EPB41L3: variants seen among roughly 807,000 people sequenced by gnomAD.
The protein encoded by EPB41L3 is band 4.1-like protein 3.
EPB41L3 carries 57 observed loss-of-function variants against 127.1 expected under a neutral mutation model. That is an observed-to-expected ratio of 0.45 (90% CI 0.36 to 0.56). EPB41L3 has a LOEUF of 0.56. Among genes scored for constraint, EPB41L3 ranks in the 20% least tolerant of loss-of-function variants. The pLI is 0.00. For synonymous variants in EPB41L3, 572 were observed against 549.5 expected (o/e 1.04, Z -0.57); for missense variants, 1,273 against 1,372.2 (o/e 0.93, Z 1.14).
intron 3 of EPB41L3, among the ~76,000 whole-genome samples, chr18:5,588,130 C>G (rs922727709): frequency 6.6e-6 from 1 of 152,078 alleles, no homozygotes; most frequent in Non-Finnish European, 1.5e-5. Flanking sequence ...CTAACACTGG[C>G]AGAAGTTGCA....
At chr18:5,441,842 G>C (rs2080833052) in intron 5 of EPB41L3, among the ~76,000 whole-genome samples, 1 of 152,176 alleles carries the variant, frequency 6.6e-6, no homozygotes, top group Admixed American at 6.5e-5. Context: ...TTATGGCAAA[G>C]TCATATACAC....
At chr18:5,520,287 G>C (rs979970819) in intron 1 of EPB41L3, among the ~76,000 whole-genome samples, 1 of 152,144 alleles carries the variant, frequency 6.6e-6, no homozygotes, top group African/African-American at 2.4e-5. Context: ...GAAGGGACCA[G>C]AGCTAGGGTA....
chr18:5,545,769 T>G (rs2093868420), upstream of EPB41L3, among the ~76,000 whole-genome samples: 1 of 152,078 alleles, frequency 6.6e-6, no homozygotes, highest in African/African-American at 2.4e-5. Flanking sequence ...AGGTGACAGT[T>G]CCAATAGTGG....
intron 3 of EPB41L3, among the ~76,000 whole-genome samples, chr18:5,579,355 G>A (rs937434102): frequency 6.6e-6 from 1 of 152,176 alleles, no homozygotes; most frequent in African/African-American, 2.4e-5. Flanking sequence ...CCTAGCTGTT[G>A]TTTTGGCAGG....
intron 1 of EPB41L3, among the ~76,000 whole-genome samples, chr18:5,512,978 T>C (rs879532043): frequency 6.6e-6 from 1 of 152,130 alleles, no homozygotes; most frequent in Non-Finnish European, 1.5e-5. Context: ...TTAGAATCCA[T>C]AGAATATAGC....
At chr18:5,453,441 A>G (rs1185425923) in intron 3 of EPB41L3, among the ~76,000 whole-genome samples, 1 of 152,204 alleles carries the variant, frequency 6.6e-6, no homozygotes, top group Non-Finnish European at 1.5e-5. Flanking sequence ...AAGGCTCTTC[A>G]GGATGCATGC....
At chr18:5,450,891 C>A (rs930762291) in intron 3 of EPB41L3, among the ~76,000 whole-genome samples, 3 of 152,184 alleles carry the variant, frequency 2.0e-5, no homozygotes, top group African/African-American at 7.2e-5. Context: ...TCCTGAATCG[C>A]CCCTGAAGTG....
chr18:5,433,827 C>G lies in EPB41L3; in HGVS notation c.824+76G>C, dbSNP rs796996091. Reference sequence around the variant, plus strand: ...CGCCGTTAATGGACTGAAATCAGTACTGGGAAGAGGTGGGTTGTGTGCGGG... The same window carrying G: ...CGCCGTTAATGGACTGAAATCAGTAGTGGGAAGAGGTGGGTTGTGTGCGGG... On this transcript the variant is annotated intron_variant, in intron 7 of 22. Transcript: ENST00000341928. 2.7e-6 allele frequency: 4 copies of G among 1,486,562 alleles called. No individual in the cohort carries two copies. In the African/African-American group the frequency reaches 5.5e-5, roughly 21 times the overall value. The allele number at this position is 1,486,562 out of a possible 1,614,324, so 92.1% of individuals were successfully genotyped here.
chr18:5,481,027 G>A (rs1239140688), intron 2 of EPB41L3: 3 of 152,066 alleles, frequency 2.0e-5, no homozygotes, highest in African/African-American at 7.2e-5. Context: ...AAAAAGAAAA[G>A]GTAAAAGAAA....
Position 5,435,487 on chromosome 18 carries a change from C to T in EPB41L3, c.606-1366G>A, listed in dbSNP as rs1443737484. On this transcript the variant is annotated intron_variant, in intron 6 of 22. Coordinates refer to ENST00000341928, the MANE Select transcript of EPB41L3 (RefSeq NM_012307.5). ...CTATGTTTAGATACACAAATACTTA[C>T]CATTGTGTTATAATTTCCCACAGTA... is the stretch of plus-strand genomic sequence containing the variant. 2.6e-5 allele frequency among the ~76,000 whole-genome samples: 4 copies of T among 152,164 alleles called. No individual in the cohort carries two copies. The East Asian group carries it at 7.7e-4, about 29-fold the overall frequency.
chr18:5,404,397 A>G (rs1324559302), intron 16 of EPB41L3, among the ~76,000 whole-genome samples: 1 of 152,166 alleles, frequency 6.6e-6, no homozygotes, highest in Non-Finnish European at 1.5e-5. Context: ...GCTCTTCTCC[A>G]GTTTAAATAA....
At chr18:5,406,465 G>C (rs542074347) in intron 16 of EPB41L3, among the ~76,000 whole-genome samples, 1 of 152,226 alleles carries the variant, frequency 6.6e-6, no homozygotes, top group African/African-American at 2.4e-5. Flanking sequence ...AAGTGTCAAT[G>C]CATGAAGAGA....
chr18:5,465,664 ACTCT>A lies in EPB41L3; in HGVS notation c.381+12573_381+12576del, dbSNP rs375360693. ...CCTGGCACCTGCAGACATAACATTC[ACTCT>A]CTCTATCACTCACAACAACCCTGTG... On this transcript the variant is annotated intron_variant, in intron 3 of 22. Coordinates refer to ENST00000341928, the MANE Select transcript of EPB41L3 (RefSeq NM_012307.5). Among the ~76,000 whole-genome samples the A allele has an allele frequency of 4.6e-4, 70 of 152,108 alleles. No homozygotes were observed. In the East Asian group the frequency reaches 0.013, roughly 29 times the overall value.
At chr18:5,436,609 C>T (rs201940838) in intron 6 of EPB41L3, among the ~76,000 whole-genome samples, 2 of 151,834 alleles carry the variant, frequency 1.3e-5, no homozygotes, top group Admixed American at 6.6e-5. Context: ...AGGGTTTCAC[C>T]GTGTTAGCCA....
At chr18:5,434,355 C>T (rs746947992) in intron 6 of EPB41L3, among the ~76,000 whole-genome samples, 21 of 152,152 alleles carry the variant, frequency 1.4e-4, no homozygotes, top group Non-Finnish European at 1.6e-4. Flanking sequence ...AGCAAGTCGA[C>T]GTTCATAATA....
At chr18:5,394,394 C>T (rs1003669141) in intron 22 of EPB41L3, 1 of 299,162 alleles carries the variant, frequency 3.3e-6, no homozygotes, top group Non-Finnish European at 6.3e-6. Flanking sequence ...AGAGTGCAGG[C>T]CATGGAATAA....
Position 5,497,058 on chromosome 18 carries a change from C to T in EPB41L3, c.-11-7864G>A, listed in dbSNP as rs753863975. On this transcript the variant is annotated intron_variant, in intron 1 of 22. Coordinates refer to ENST00000341928, the MANE Select transcript of EPB41L3 (RefSeq NM_012307.5). ...GTGTTGAAATATCAAGAAGAATCTGCCATATGCAGATACGCACAGTGGCGA... is the reference window on the plus strand; with the variant it reads ...GTGTTGAAATATCAAGAAGAATCTGTCATATGCAGATACGCACAGTGGCGA... Among the ~76,000 whole-genome samples, 36 of 152,226 alleles carry T rather than the reference C, an allele frequency of 2.4e-4. No individual in the cohort carries two copies. The Middle Eastern group carries it at 0.017, about 72-fold the overall frequency.
intron 3 of EPB41L3, among the ~76,000 whole-genome samples, chr18:5,607,907 A>G (rs1291700957): frequency 9.4e-6 from 1 of 106,120 alleles, no homozygotes; most frequent in Non-Finnish European, 1.7e-5. Flanking sequence ...AAGGGCCAGG[A>G]AGAGTCCAAA....
chr18:5,482,676 A>C (rs2088809673), intron 2 of EPB41L3, among the ~76,000 whole-genome samples: 2 of 152,220 alleles, frequency 1.3e-5, no homozygotes, highest in South Asian at 4.1e-4. Context: ...CAGAAAACCC[A>C]CACAGGCCAG....
Sources: gnomAD v4.1 joint callset for allele counts (sites outside exome capture counted in the v4.1 genomes callset) on GRCh38, gnomAD v4.1.1 for gene constraint, MANE v1.5 for transcripts, NCBI Gene and HGNC (gene_info 2026-07-23, HGNC 2026-07-21) for gene names.